The following CHRAC1 variants were observed in gnomAD, a reference collection of about 807,000 sequenced individuals.
CHRAC1 encodes chromatin accessibility complex protein 1.
CHRAC1 carries 6 observed loss-of-function variants against 9.1 expected under a neutral mutation model. The observed-to-expected ratio is 0.66, with a 90% CI of 0.36 to 1.29. The LOEUF (loss-of-function observed/expected upper bound fraction) is 1.29, where lower values mean the gene tolerates loss of function less well. Ranked by LOEUF, CHRAC1 falls within the 50% of genes most tolerant of loss-of-function variation. The pLI is 0.03. For missense variants in CHRAC1, 168 were observed against 163.5 expected (o/e 1.03, Z -0.15); for synonymous variants, 73 against 64.5 (o/e 1.13, Z -0.63).
Position 140,515,375 on chromosome 8 carries a change from C to A in CHRAC1, c.*128C>A. 1.0e-6 allele frequency: 1 copy of A among 964,350 alleles called. No homozygotes were observed. Among genetic ancestry groups the A allele is most frequent in the South Asian group, 1.7e-5 (1 of 58,892 alleles). 59.7% of individuals were successfully genotyped at this position (964,350 alleles called of 1,614,324 possible). On this transcript the variant is annotated 3_prime_UTR_variant, in exon 3 of 3. Coordinates refer to ENST00000220913, the MANE Select transcript of CHRAC1 (RefSeq NM_017444.6). ...TCACAGAGTTCCAGTGTGTGGTATT[C>A]TTTCGAGGTATTCTTTCCAGGCCGA... is the stretch of plus-strand genomic sequence containing the variant.
At chr8:140,511,799 C>A (rs1381679492) in intron 1 of CHRAC1, 153 bp downstream of exon 1, 2 of 838,700 alleles carry the variant, frequency 2.4e-6, no homozygotes, top group African/African-American at 1.8e-5. Flanking sequence ...CACGCCGGCG[C>A]GCGCTTCGGT....
Position 140,511,605 on chromosome 8 carries a change from A to G in CHRAC1, c.106A>G (p.Ser36Gly). 2 of 1,473,924 alleles carry G rather than the reference A, an allele frequency of 1.4e-6. No homozygotes were observed. The highest frequency in any genetic ancestry group is 1.4e-5 in the South Asian group (1 of 71,852). 91.3% of individuals were successfully genotyped at this position (1,473,924 alleles called of 1,614,324 possible). ...CATGAAGAGCTCCCCCGAGGTGTCC[A>G]GCATCAACCAGGAGGCGTTGGTGCT... Reference protein sequence around the residue: ...VIMKSSPEVSSINQEALVLTA... With the variant: ...VIMKSSPEVSGINQEALVLTA... Residue 36 changes from serine to glycine, a missense_variant, in exon 1 of 3, where the codon AGC becomes GGC. Ser to Gly is a moderately conservative substitution (Grantham distance 56). Transcript: ENST00000220913.
chr8:140,514,234 G>T, intron 1 of CHRAC1, 135 bp from the exon 2 acceptor site: 1 of 980,994 alleles, frequency 1.0e-6, no homozygotes, highest in Non-Finnish European at 1.4e-6. Flanking sequence ...AATTTAATTT[G>T]AGAAACCAAG....
chr8:140,514,573 T>A, intron 2 of CHRAC1, 78 bp downstream of exon 2: 1 of 1,259,876 alleles, frequency 7.9e-7, no homozygotes, highest in East Asian at 2.6e-5. Context: ...GCCTCCCTTC[T>A]GCTCTCACGG....
At chr8:140,513,006 CAG>C (rs1386361766) in intron 1 of CHRAC1, among the ~76,000 whole-genome samples, 2 of 152,142 alleles carry the variant, frequency 1.3e-5, no homozygotes, top group Admixed American at 1.3e-4. Flanking sequence ...TTGGTAGAGA[CAG>C]GGTTTCACCA....
intron 1 of CHRAC1, chr8:140,512,092 G>A: frequency 1.7e-6 from 2 of 1,167,082 alleles, no homozygotes; most frequent in South Asian, 1.3e-5. Flanking sequence ...CCTCCCTCGC[G>A]TGCGGCGCTC....
chr8:140,514,472 C>T lies in CHRAC1; in HGVS notation c.251C>T (p.Ser84Leu), dbSNP rs562488691. Residue 84 changes from serine (S) to leucine (L), a missense_variant, in exon 2 of 3, where the codon TCA (serine) becomes TTA (leucine). Ser to Leu is a moderately radical substitution (Grantham distance 145). Coordinates refer to ENST00000220913, the MANE Select transcript of CHRAC1 (RefSeq NM_017444.6). Reference protein sequence around the residue: ...YSDLANTAQQSETFQFLADIL... With the variant: ...YSDLANTAQQLETFQFLADIL... Reference sequence around the variant, plus strand: ...GATTTAGCAAACACTGCACAGCAATCAGAAACTTTTCAGTTTCTTGCAGGT... The same window carrying T: ...GATTTAGCAAACACTGCACAGCAATTAGAAACTTTTCAGTTTCTTGCAGGT... 6.4e-7 allele frequency: 1 copy of T among 1,557,248 alleles called. No individual in the cohort carries two copies. Among genetic ancestry groups the T allele is most frequent in the African/African-American group, 1.4e-5 (1 of 71,028 alleles).
rs774828701 is a variant in CHRAC1, at chr8:140,515,232, T to A, written c.381T>A (p.Asp127Glu). The A allele has an allele frequency of 8.7e-6, 14 of 1,613,920 alleles. No individual in the cohort carries two copies. In the African/African-American group the frequency reaches 1.7e-4, roughly 20 times the overall value. The stretch of plus-strand genomic sequence containing the variant: ...ACAATGATAATGAAAGTGACCATGA[T>A]GAAGCTGACTCCTAAACCAAAAGTG... ...ENDNDNESDHDEADS is the reference protein window; with the variant it reads ...ENDNDNESDHEEADS The change falls in exon 3 of 3, where the codon GAT becomes GAA. Residue 127 changes from aspartate (D) to glutamate (E), a missense_variant. Physicochemically the swap from Asp to Glu is conservative, Grantham distance 45. Transcript: ENST00000220913.
At chr8:140,514,855 G>A (rs907419847) in intron 2 of CHRAC1, 1 of 386,730 alleles carries the variant, frequency 2.6e-6, no homozygotes, top group Non-Finnish European at 4.7e-6. Context: ...GCTAGCCTAG[G>A]CTATCTCAGG....
chr8:140,515,506 C>A lies in CHRAC1; in HGVS notation c.*259C>A, dbSNP rs1040399355. 5 of 286,018 alleles carry A rather than the reference C, an allele frequency of 1.7e-5. No homozygotes were observed. Among genetic ancestry groups the A allele is most frequent in the Non-Finnish European group, 2.6e-5 (4 of 154,384 alleles). The allele number at this position is 286,018 out of a possible 1,614,324, so 17.7% of individuals were successfully genotyped here. A position where few individuals can be genotyped will look rare whatever the true frequency, so the allele number is the denominator to read the frequency against. The stretch of plus-strand genomic sequence containing the variant: ...CCCTGCAGCTCAGGCACCAAGAAAA[C>A]AGCCGATACTGGCAGCCATTGCAGC... On this transcript the variant is annotated 3_prime_UTR_variant, in exon 3 of 3. Coordinates refer to ENST00000220913, the MANE Select transcript of CHRAC1 (RefSeq NM_017444.6).
chr8:140,512,078 A>T, intron 1 of CHRAC1: 1 of 1,223,692 alleles, frequency 8.2e-7, no homozygotes, highest in African/African-American at 1.6e-5. Flanking sequence ...CTGTGCGCTC[A>T]CGTCCTCCCT....
rs2072333230 is a variant in CHRAC1, at chr8:140,516,081, A to T, written c.*834A>T. The T allele has an allele frequency of 6.6e-6, 1 of 151,116 alleles. No individual in the cohort carries two copies. Among genetic ancestry groups the T allele is most frequent in the Admixed American group, 6.6e-5 (1 of 15,206 alleles). The allele number at this position is 151,116 out of a possible 1,614,324, so 9.4% of individuals were successfully genotyped here. ...TTCTTTTTACTGTCTATAAGAGAAA[A>T]CCTATCATAAGCCCAATTTTTTTTT... On this transcript the variant is annotated 3_prime_UTR_variant, in exon 3 of 3. Transcript: ENST00000220913.
intron 1 of CHRAC1, chr8:140,511,902 C>T (rs1259684676): frequency 3.1e-6 from 3 of 978,132 alleles, no homozygotes; most frequent in African/African-American, 3.3e-5. Context: ...TCGCCTACCG[C>T]GCGCCTCTCC....
rs576340386 is a variant in CHRAC1, at chr8:140,516,627, C to A, written c.*1380C>A. On this transcript the variant is annotated 3_prime_UTR_variant, in exon 3 of 3. Coordinates refer to ENST00000220913, the MANE Select transcript of CHRAC1 (RefSeq NM_017444.6). The stretch of plus-strand genomic sequence containing the variant: ...CCTCTGTTCCTCTCTTCTCCTGCCC[C>A]CTAGCAACCACTGGTGTTTTCTGTC... The A allele has an allele frequency of 1.3e-5, 2 of 152,314 alleles. No homozygotes were observed. Among genetic ancestry groups the A allele is most frequent in the East Asian group, 3.9e-4 (2 of 5,192 alleles). The allele number at this position is 152,314 out of a possible 1,614,324, so 9.4% of individuals were successfully genotyped here. A position where few individuals can be genotyped will look rare whatever the true frequency, so the allele number is the denominator to read the frequency against.
chr8:140,515,123 A>C lies in CHRAC1; in HGVS notation c.275-3A>C. ...TTGCTGATGTACGCTTTATGTTTTT[A>C]AGATATATTACCAAAGAAGATTTTA... On this transcript the variant is annotated splice_region_variant and splice_polypyrimidine_tract_variant and intron_variant, in intron 2 of 2. Transcript: ENST00000220913. 6.2e-7 allele frequency: 1 copy of C among 1,610,600 alleles called. No individual in the cohort carries two copies.
At chr8:140,513,772 G>T (rs2072305960) in intron 1 of CHRAC1, among the ~76,000 whole-genome samples, 1 of 151,672 alleles carries the variant, frequency 6.6e-6, no homozygotes, top group African/African-American at 2.4e-5. Flanking sequence ...TCTAGAGGTT[G>T]GTCATTAAAC....
intron 2 of CHRAC1, 39 bp downstream of exon 2, chr8:140,514,534 A>G: frequency 6.7e-7 from 1 of 1,496,154 alleles, no homozygotes; most frequent in Non-Finnish European, 8.9e-7. Context: ...AAAAATGATT[A>G]GTAATCAATA....
rs1378724941 is a variant in CHRAC1, at chr8:140,512,032, T to C, written c.147+386T>C. 6 of 1,280,704 alleles carry C rather than the reference T, an allele frequency of 4.7e-6. No individual in the cohort carries two copies. In the South Asian group the frequency reaches 7.5e-5, roughly 16 times the overall value. 79.3% of individuals were successfully genotyped at this position (1,280,704 alleles called of 1,614,324 possible). On this transcript the variant is annotated intron_variant, in intron 1 of 2. Transcript: ENST00000220913. ...GCTTCCATTCGGCAAACCCGTAAGCTCCCGCGTTCCTCTGCGCGCCTTTCG... is the reference window on the plus strand; with the variant it reads ...GCTTCCATTCGGCAAACCCGTAAGCCCCCGCGTTCCTCTGCGCGCCTTTCG...
chr8:140,512,122 G>C, intron 1 of CHRAC1: 1 of 859,782 alleles, frequency 1.2e-6, no homozygotes, highest in Non-Finnish European at 1.6e-6. Context: ...CCCTACCCGT[G>C]GGCGTCGGCG....
Sources: gnomAD v4.1 joint callset for allele counts (sites outside exome capture counted in the v4.1 genomes callset) on GRCh38, gnomAD v4.1.1 for gene constraint, MANE v1.5 for transcripts, NCBI Gene and HGNC (gene_info 2026-07-23, HGNC 2026-07-21) for gene names.